Variants in NTNG1 observed in about 807,000 individuals in gnomAD.
The protein encoded by NTNG1 is netrin G1, also known as netrin-G1.
In NTNG1, 16 loss-of-function variants were observed where a neutral mutation model predicts 54.0. That is an observed-to-expected ratio of 0.30 (90% CI 0.20 to 0.45). The LOEUF is 0.45. Among genes scored for constraint, NTNG1 ranks in the 20% least tolerant of loss-of-function variants. The probability of loss-of-function intolerance (pLI) is 1.00; values close to 1 mark genes in which losing one functional copy is unlikely to be tolerated. For synonymous variants in NTNG1, 255 were observed against 263.1 expected (o/e 0.97, Z 0.30); for missense variants, 530 against 678.7 (o/e 0.78, Z 2.43).
intron 2 of NTNG1, among the ~76,000 whole-genome samples, chr1:107,323,571 C>G (rs1667775795): frequency 6.6e-6 from 1 of 152,060 alleles, no homozygotes; most frequent in African/African-American, 2.4e-5. Context: ...GTTTTCTTGT[C>G]CTGATAACTT....
At chr1:107,427,225 C>G (rs1036083752) in intron 5 of NTNG1, among the ~76,000 whole-genome samples, 17 of 151,910 alleles carry the variant, frequency 1.1e-4, no homozygotes, top group African/African-American at 3.9e-4. Flanking sequence ...TTGAATTTAA[C>G]CAGCATCAAC....
chr1:107,277,408 C>A (rs192791874), intron 2 of NTNG1, among the ~76,000 whole-genome samples: 1 of 152,212 alleles, frequency 6.6e-6, no homozygotes, highest in East Asian at 1.9e-4. Flanking sequence ...AGTCTTGCAT[C>A]TAAACATATT....
intron 3 of NTNG1, among the ~76,000 whole-genome samples, chr1:107,355,465 G>T (rs750295375): frequency 1.4e-4 from 22 of 151,898 alleles, no homozygotes; most frequent in Non-Finnish European, 2.4e-4. Context: ...GGGTAATGGG[G>T]ACTGGATCTA....
chr1:107,292,071 C>T (rs1249489874), intron 2 of NTNG1, among the ~76,000 whole-genome samples: 2 of 151,972 alleles, frequency 1.3e-5, no homozygotes, highest in Admixed American at 1.3e-4. Context: ...CATAAAAAAA[C>T]TGTTCCACTA....
At chr1:107,231,725 T>C (rs1181036262) in intron 2 of NTNG1, among the ~76,000 whole-genome samples, 3 of 152,174 alleles carry the variant, frequency 2.0e-5, no homozygotes, top group Non-Finnish European at 2.9e-5. Flanking sequence ...GGAGGGCCAG[T>C]TCCCAGTATC....
At chr1:107,223,688 G>A (rs112992247) in intron 2 of NTNG1, among the ~76,000 whole-genome samples, 1 of 152,070 alleles carries the variant, frequency 6.6e-6, no homozygotes, top group African/African-American at 2.4e-5. Flanking sequence ...AAAATAAACA[G>A]TCTTGAATTT....
At chr1:107,154,881 A>G (rs760652699) in intron 2 of NTNG1, among the ~76,000 whole-genome samples, 1 of 152,078 alleles carries the variant, frequency 6.6e-6, no homozygotes, top group Non-Finnish European at 1.5e-5. Context: ...TGGAACTCCA[A>G]TTTCACGTTA....
At chr1:107,217,067 G>C (rs1660016135) in intron 2 of NTNG1, among the ~76,000 whole-genome samples, 2 of 152,150 alleles carry the variant, frequency 1.3e-5, no homozygotes, top group Admixed American at 1.3e-4. Flanking sequence ...CAGTAAATCT[G>C]TCTGGTCCCA....
At chr1:107,181,010 G>C (rs942210591) in intron 2 of NTNG1, among the ~76,000 whole-genome samples, 10 of 152,096 alleles carry the variant, frequency 6.6e-5, no homozygotes, top group African/African-American at 2.4e-4. Context: ...GAAACCAATG[G>C]CCAAGGACTG....
chr1:107,313,401 T>G (rs1184012414), intron 2 of NTNG1, among the ~76,000 whole-genome samples: 1 of 151,828 alleles, frequency 6.6e-6, no homozygotes, highest in Non-Finnish European at 1.5e-5. Flanking sequence ...TATGTTGAGT[T>G]TGAAATTCTT....
intron 2 of NTNG1, among the ~76,000 whole-genome samples, chr1:107,281,223 C>T (rs1664838866): frequency 6.6e-6 from 1 of 152,044 alleles, no homozygotes; most frequent in African/African-American, 2.4e-5. Context: ...TGTACTTCCA[C>T]ACAATTATGT....
chr1:107,233,864 T>C (rs748413447), intron 2 of NTNG1, among the ~76,000 whole-genome samples: 6 of 152,188 alleles, frequency 3.9e-5, no homozygotes, highest in Non-Finnish European at 8.8e-5. Context: ...CCACCTTTCC[T>C]ATCTCATGTT....
In NTNG1 at chr1:107,324,399, A is replaced by G. The variant is rs1667826703; in HGVS notation, c.364A>G (p.Thr122Ala). Residue 122 changes from threonine to alanine, a missense_variant, in exon 3 of 8, where the codon ACT (threonine) becomes GCT (alanine). Transcript: ENST00000370068. ...TCCCTCCACATTTTGGCAGTCTGCC[A>G]CTTGGAAGGAGTATCCCAAGCCTCT... ...RHPSTFWQSA[T>A]WKEYPKPLQV... The G allele has an allele frequency of 1.5e-5, 25 of 1,613,838 alleles. No homozygotes were observed. The highest frequency in any genetic ancestry group is 2.1e-5 in the Non-Finnish European group (25 of 1,179,822).
intron 3 of NTNG1, among the ~76,000 whole-genome samples, chr1:107,388,469 C>T (rs1672156623): frequency 6.6e-6 from 1 of 152,154 alleles, no homozygotes; most frequent in Admixed American, 6.5e-5. Context: ...TTTGTACCTG[C>T]TGGGATTCAG....
At chr1:107,210,574 C>T (rs997655580) in intron 2 of NTNG1, among the ~76,000 whole-genome samples, 8 of 152,082 alleles carry the variant, frequency 5.3e-5, no homozygotes, top group Admixed American at 6.6e-5. Flanking sequence ...TCCAAGTCAC[C>T]GCCAGATGAA....
At position 107,298,061 on chromosome 1, in the gene NTNG1, C is replaced by T. The variant is rs558038269; in HGVS notation, c.247-26221C>T. Among the ~76,000 whole-genome samples the T allele has an allele frequency of 1.6e-4, 24 of 152,128 alleles. 2 individuals carry two copies. The South Asian group carries it at 5.0e-3, about 32-fold the overall frequency. On this transcript the variant is annotated intron_variant, in intron 2 of 7. Transcript: ENST00000370068. ...GAAATCATGGATTTTAAAAATGACT[C>T]AAAATATAATTGGCATAGAACTCAG...
chr1:107,351,813 C>T (rs915250065), intron 3 of NTNG1, among the ~76,000 whole-genome samples: 1 of 152,164 alleles, frequency 6.6e-6, no homozygotes, highest in African/African-American at 2.4e-5. Flanking sequence ...TTCCACCTAT[C>T]AGTCTGTAAA....
chr1:107,246,214 G>A (rs982795310), intron 2 of NTNG1, among the ~76,000 whole-genome samples: 2 of 151,996 alleles, frequency 1.3e-5, no homozygotes, highest in African/African-American at 2.4e-5. Context: ...ACCACGCCTG[G>A]CTAATTATTT....
chr1:107,458,534 T>A (rs1268142902), intron 7 of NTNG1, among the ~76,000 whole-genome samples: 2 of 152,156 alleles, frequency 1.3e-5, no homozygotes, highest in Non-Finnish European at 2.9e-5. Context: ...AAAATAGGTA[T>A]CATTTGAGAC....
Sources: gnomAD v4.1 joint callset for allele counts (sites outside exome capture counted in the v4.1 genomes callset) on GRCh38, gnomAD v4.1.1 for gene constraint, MANE v1.5 for transcripts, NCBI Gene and HGNC (gene_info 2026-07-23, HGNC 2026-07-21) for gene names.